OR51E2: variants seen among roughly 807,000 people sequenced by gnomAD.
OR51E2 encodes the protein olfactory receptor family 51 subfamily E member 2.
Under a neutral mutation model 13.7 loss-of-function variants are expected in OR51E2, and 14 were observed. The observed-to-expected ratio is 1.02, with a 90% CI of 0.68 to 1.60. The LOEUF is 1.60. OR51E2 is among the 40% of genes most tolerant of loss of function. The probability of loss-of-function intolerance (pLI) is 0.00; values close to 1 mark genes in which losing one functional copy is unlikely to be tolerated. For missense variants in OR51E2, 483 were observed against 413.8 expected (o/e 1.17, Z -1.45); for synonymous variants, 180 against 157.6 (o/e 1.14, Z -1.07).
chr11:4,687,923 G>C (rs1472111515), intron 1 of OR51E2, among the ~76,000 whole-genome samples: 2 of 152,174 alleles, frequency 1.3e-5, no homozygotes, highest in African/African-American at 4.8e-5. Flanking sequence ...AAAGGGTCAG[G>C]GGATTCTTTG....
Position 4,693,693 on chromosome 11 carries a change from A to G in OR51E2, c.-51+3960T>C, listed in dbSNP as rs191868694. Among the ~76,000 whole-genome samples, 365 of 152,216 alleles carry G rather than the reference A, an allele frequency of 2.4e-3. 1 individual carries two copies. Among genetic ancestry groups the G allele is most frequent in the Middle Eastern group, 3.4e-3 (1 of 294 alleles). On this transcript the variant is annotated intron_variant, in intron 1 of 1. Transcript: ENST00000396950. ...ACCGAGATGGCGCCATTGCACTCCA[A>G]CCTGGGCGACAGAGCGAGACTCCGT...
chr11:4,683,345 C>T (rs1025661202), intron 1 of OR51E2, among the ~76,000 whole-genome samples: 2 of 152,162 alleles, frequency 1.3e-5, no homozygotes, highest in Admixed American at 6.5e-5. Flanking sequence ...TCAGGATTCC[C>T]AGTCCTCAAT....
Position 4,682,305 on chromosome 11 carries a change from T to C in OR51E2, c.407A>G (p.Asn136Ser). The C allele has an allele frequency of 6.2e-7, 1 of 1,614,114 alleles. No homozygotes were observed. The highest frequency in any genetic ancestry group is 1.7e-5 in the Admixed American group (1 of 60,020). Residue 136 changes from asparagine (N) to serine (S), a missense_variant, in exon 2 of 2, where the codon AAC (asparagine) becomes AGC (serine). Coordinates refer to ENST00000396950, the MANE Select transcript of OR51E2 (RefSeq NM_030774.4). ...GCCAATCTGGGCTGTTACTGTATTG[T>C]TGAGCACTGCAGCATGGCGCAGTGG... ...CHPLRHAAVLNNTVTAQIGIV... is the reference protein window; with the variant it reads ...CHPLRHAAVLSNTVTAQIGIV...
At chr11:4,693,419 C>T (rs1847610543) in intron 1 of OR51E2, among the ~76,000 whole-genome samples, 1 of 152,118 alleles carries the variant, frequency 6.6e-6, no homozygotes, top group Non-Finnish European at 1.5e-5. Flanking sequence ...TTCAGAACGG[C>T]ATGTGTAAAA....
At chr11:4,697,142 A>G (rs1358710404) in intron 1 of OR51E2, among the ~76,000 whole-genome samples, 3 of 152,218 alleles carry the variant, frequency 2.0e-5, no homozygotes, top group African/African-American at 7.2e-5. Flanking sequence ...CATATTTGAA[A>G]TCACATACAA....
At chr11:4,686,712 C>T (rs1847518988) in intron 1 of OR51E2, among the ~76,000 whole-genome samples, 1 of 152,182 alleles carries the variant, frequency 6.6e-6, no homozygotes. Flanking sequence ...ATCTTCACCA[C>T]CACTACCATG....
At chr11:4,694,991 A>G (rs1847638550) in intron 1 of OR51E2, among the ~76,000 whole-genome samples, 1 of 152,166 alleles carries the variant, frequency 6.6e-6, no homozygotes, top group East Asian at 1.9e-4. Flanking sequence ...GAGAGACATG[A>G]ATGAAAGAAT....
intron 1 of OR51E2, among the ~76,000 whole-genome samples, chr11:4,692,723 G>C (rs1847599187): frequency 6.6e-6 from 1 of 152,050 alleles, no homozygotes; most frequent in Non-Finnish European, 1.5e-5. Context: ...CAGAGGAAAA[G>C]AAAGGGTGCT....
chr11:4,680,533 A>G lies in OR51E2; in HGVS notation c.*1216T>C, dbSNP rs1480397301. On this transcript the variant is annotated 3_prime_UTR_variant, in exon 2 of 2. Transcript: ENST00000396950. ...ACACAGGAAGCAATATAACATGGTC[A>G]TTAAGTAACTGTATTCAACCATCAA... The G allele has an allele frequency of 1.3e-5, 2 of 152,682 alleles. No homozygotes were observed. Among genetic ancestry groups the G allele is most frequent in the Non-Finnish European group, 2.9e-5 (2 of 68,052 alleles). 9.5% of individuals were successfully genotyped at this position (152,682 alleles called of 1,614,324 possible).
At position 4,697,391 on chromosome 11, in the gene OR51E2, T is replaced by C. The variant is rs114951460; in HGVS notation, c.-51+262A>G. 2.7e-3 allele frequency among the ~76,000 whole-genome samples: 419 copies of C among 152,364 alleles called. 2 individuals carry two copies. The highest frequency in any genetic ancestry group is 9.6e-3 in the African/African-American group (400 of 41,590). On this transcript the variant is annotated intron_variant, in intron 1 of 1. Transcript: ENST00000396950. ...TATTGGGCATAGAAATGAGATTCACTGACTGTGATAAATATATCAGCACAC... is the reference window on the plus strand; with the variant it reads ...TATTGGGCATAGAAATGAGATTCACCGACTGTGATAAATATATCAGCACAC...
chr11:4,690,736 C>G (rs1420340558), intron 1 of OR51E2: 1 of 381,882 alleles, frequency 2.6e-6, no homozygotes, highest in Non-Finnish European at 5.1e-6. Context: ...AGGGGTCCAT[C>G]TAGTGCTAGA....
intron 1 of OR51E2, among the ~76,000 whole-genome samples, chr11:4,695,661 A>G (rs1847646423): frequency 6.6e-6 from 1 of 152,176 alleles, no homozygotes; most frequent in African/African-American, 2.4e-5. Flanking sequence ...TGCCAAGTCC[A>G]AAAGTTTAAT....
At chr11:4,690,019 A>T (rs1260067534) in intron 1 of OR51E2, among the ~76,000 whole-genome samples, 1 of 147,922 alleles carries the variant, frequency 6.8e-6, no homozygotes, top group African/African-American at 2.4e-5. Context: ...ATTTATAAAT[A>T]TAAGTTTATA....
chr11:4,683,225 T>C (rs1185577060), intron 1 of OR51E2, among the ~76,000 whole-genome samples: 1 of 152,196 alleles, frequency 6.6e-6, no homozygotes, highest in African/African-American at 2.4e-5. Context: ...GGGAGAGGCA[T>C]GATCACAGAG....
At chr11:4,685,722 C>CA (rs2133246825) in intron 1 of OR51E2, 1 of 152,174 alleles carries the variant, frequency 6.6e-6, no homozygotes, top group East Asian at 1.9e-4. Context: ...TCACATTAAA[C>CA]AAATGTTTGT....
intron 1 of OR51E2, chr11:4,690,963 A>C: frequency 2.2e-6 from 1 of 454,240 alleles, no homozygotes; most frequent in Non-Finnish European, 4.4e-6. Context: ...AAAAGCCACA[A>C]TGTGGGAGAC....
Position 4,681,401 on chromosome 11 carries a change from A to G in OR51E2, c.*348T>C, listed in dbSNP as rs1200206197. ...AGCTAACCATAATAAAAAAAAAAGA[A>G]AGAAAAAAGAGAGAGAAAGTAGGGA... On this transcript the variant is annotated 3_prime_UTR_variant, in exon 2 of 2. Coordinates refer to ENST00000396950, the MANE Select transcript of OR51E2 (RefSeq NM_030774.4). The G allele has an allele frequency of 4.4e-6, 1 of 226,044 alleles. No individual in the cohort carries two copies. The highest frequency in any genetic ancestry group is 2.3e-5 in the African/African-American group (1 of 43,488). 14.0% of individuals were successfully genotyped at this position (226,044 alleles called of 1,614,324 possible). A position where few individuals can be genotyped will look rare whatever the true frequency, so the allele number is the denominator to read the frequency against.
chr11:4,685,103 T>G (rs1473845655), intron 1 of OR51E2: 1 of 152,202 alleles, frequency 6.6e-6, no homozygotes, highest in Non-Finnish European at 1.5e-5. Flanking sequence ...TGGAGCTGGT[T>G]TTGCTTTCTG....
chr11:4,685,503 T>C (rs1332846511), intron 1 of OR51E2, among the ~76,000 whole-genome samples: 3 of 152,170 alleles, frequency 2.0e-5, no homozygotes, highest in African/African-American at 7.2e-5. Flanking sequence ...AAAGTATAGT[T>C]CCATAATTCA....
Sources: allele counts gnomAD v4.1 joint callset (sites outside exome capture counted in the v4.1 genomes callset), GRCh38; gene constraint gnomAD v4.1.1; transcripts MANE v1.5; gene names NCBI Gene and HGNC (gene_info 2026-07-23, HGNC 2026-07-21).